NBEAL1: variants seen among roughly 807,000 people sequenced by gnomAD.
The protein encoded by NBEAL1 is neurobeachin-like protein 1.
NBEAL1 carries 273 observed loss-of-function variants against 351.3 expected under a neutral mutation model. That is an observed-to-expected ratio of 0.78 (90% CI 0.70 to 0.86). The LOEUF (loss-of-function observed/expected upper bound fraction) is 0.86, where lower values mean the gene tolerates loss of function less well. Ranked by LOEUF, NBEAL1 falls within the 40% of genes least tolerant of loss-of-function variation. The pLI is 0.00. For synonymous variants in NBEAL1, 1,050 were observed against 1,086.4 expected (o/e 0.97, Z 0.66); for missense variants, 2,961 against 3,201.3 (o/e 0.92, Z 1.81).
At chr2:203,065,470 G>T (rs1187909827) in intron 6 of NBEAL1, among the ~76,000 whole-genome samples, 1 of 152,134 alleles carries the variant, frequency 6.6e-6, no homozygotes, top group Non-Finnish European at 1.5e-5. Context: ...GAAGCATGGT[G>T]GCTGGGGCGC....
At position 203,219,610 on chromosome 2, in the gene NBEAL1, C is replaced by CT. The variant is rs1297581441; in HGVS notation, c.*2259dup. ...GTGGCTCATGCCTGTAATCCCAGCA[C>CT]TTTGGGAGGCTGAGGCAGGCGAATC... is the stretch of plus-strand genomic sequence containing the variant. On this transcript the variant is annotated 3_prime_UTR_variant, in exon 56 of 56. Transcript: ENST00000683969. 1 of 151,938 alleles carries CT rather than the reference C, an allele frequency of 6.6e-6. No individual in the cohort carries two copies. The highest frequency in any genetic ancestry group is 1.5e-5 in the Non-Finnish European group (1 of 68,020). 9.4% of individuals were successfully genotyped at this position (151,938 alleles called of 1,614,324 possible). A position where few individuals can be genotyped will look rare whatever the true frequency, so the allele number is the denominator to read the frequency against.
At chr2:203,040,800 T>C (rs1417203281) in intron 2 of NBEAL1, 3 of 522,956 alleles carry the variant, frequency 5.7e-6, no homozygotes, top group Non-Finnish European at 1.1e-5. Flanking sequence ...CACTGCAACC[T>C]CCACTATATA....
At position 203,113,038 on chromosome 2, in the gene NBEAL1, T is replaced by C; in HGVS notation, c.2226T>C (p.Gly742=). The C allele has an allele frequency of 6.6e-7, 1 of 1,511,310 alleles. No homozygotes were observed. The highest frequency in any genetic ancestry group is 8.9e-7 in the Non-Finnish European group (1 of 1,127,966). The allele number at this position is 1,511,310 out of a possible 1,614,324, so 93.6% of individuals were successfully genotyped here. The part of the protein sequence containing the change: ...MNEPFTSCCI[G]SAGQRTTTPP... ...AGCCCTTTACTTCCTGTTGCATTGG[T>C]TCAGCTGGGCAAAGAACCACCACTC... The change falls in exon 17 of 56, where the codon GGT becomes GGC. Residue 742 remains glycine (G), a synonymous_variant. Coordinates refer to ENST00000683969, the MANE Select transcript of NBEAL1 (RefSeq NM_001378026.1).
intron 7 of NBEAL1, among the ~76,000 whole-genome samples, chr2:203,070,205 T>A (rs1441300505): frequency 1.3e-5 from 2 of 152,070 alleles, no homozygotes; most frequent in Non-Finnish European, 2.9e-5. Context: ...CTTTTTTTTT[T>A]AATGTACTTT....
intron 8 of NBEAL1, among the ~76,000 whole-genome samples, chr2:203,080,092 A>G (rs1404284570): frequency 6.6e-6 from 1 of 152,020 alleles, no homozygotes; most frequent in African/African-American, 2.4e-5. Flanking sequence ...TTGAGTATTA[A>G]TTTTGTAAAC....
intron 3 of NBEAL1, among the ~76,000 whole-genome samples, chr2:203,045,771 A>T (rs2061215697): frequency 6.6e-6 from 1 of 152,212 alleles, no homozygotes. Flanking sequence ...GCATAAGCTG[A>T]AGAAGAGGTA....
At chr2:203,210,196 C>T (rs71425987) in intron 53 of NBEAL1, among the ~76,000 whole-genome samples, 1 of 151,328 alleles carries the variant, frequency 6.6e-6, no homozygotes, top group Non-Finnish European at 1.5e-5. Context: ...AACCCCATCT[C>T]TACTAAAAAT....
At chr2:203,214,590 C>T (rs2351772) in intron 55 of NBEAL1, among the ~76,000 whole-genome samples, 75,110 of 151,992 alleles carry the variant, frequency 0.49, 19,307 homozygotes, top group Middle Eastern at 0.68. Context: ...GCCTGGCCAA[C>T]GTGGTGAAAC....
chr2:203,040,488 C>A (rs2061122998), intron 2 of NBEAL1: 23 of 687,690 alleles, frequency 3.3e-5, no homozygotes, highest in South Asian at 2.7e-4. Context: ...ACCCCCAGAA[C>A]CTAAAAATGC....
At chr2:203,206,571 A>C (rs571419210) in intron 51 of NBEAL1, among the ~76,000 whole-genome samples, 1 of 141,278 alleles carries the variant, frequency 7.1e-6, no homozygotes, top group South Asian at 2.5e-4. Context: ...GCGCGCCGCC[A>C]CGCCTGACTG....
intron 18 of NBEAL1, 103 bp from the exon 19 acceptor site, chr2:203,122,151 C>T: frequency 1.6e-6 from 1 of 612,386 alleles, no homozygotes; most frequent in Non-Finnish European, 2.7e-6. Context: ...TTATCTTTGA[C>T]TATCCTATAT....
At chr2:203,064,005 A>C (rs2061541030) in intron 6 of NBEAL1, among the ~76,000 whole-genome samples, 1 of 152,128 alleles carries the variant, frequency 6.6e-6, no homozygotes, top group African/African-American at 2.4e-5. Flanking sequence ...ATGGGTGTTA[A>C]ACCTAGGGGG....
intron 48 of NBEAL1, among the ~76,000 whole-genome samples, chr2:203,198,007 T>TA (rs1559057950): frequency 7.9e-4 from 114 of 143,646 alleles, no homozygotes; most frequent in African/African-American, 2.4e-3. Context: ...ATATATATAT[T>TA]TTTTTTTCTT....
chr2:203,161,042 G>C (rs1447743997), intron 36 of NBEAL1, among the ~76,000 whole-genome samples: 2 of 151,938 alleles, frequency 1.3e-5, no homozygotes, highest in African/African-American at 4.8e-5. Context: ...AAATAGGCCA[G>C]GGAGGCTGGG....
chr2:203,197,616 T>C (rs943259696), intron 48 of NBEAL1, among the ~76,000 whole-genome samples: 4 of 151,992 alleles, frequency 2.6e-5, no homozygotes, highest in East Asian at 1.9e-4. Flanking sequence ...TGAAAAGATA[T>C]ATAAAAATAG....
At chr2:203,076,942 C>T (rs2061785873) in intron 7 of NBEAL1, among the ~76,000 whole-genome samples, 1 of 152,140 alleles carries the variant, frequency 6.6e-6, no homozygotes, top group South Asian at 2.1e-4. Flanking sequence ...AAAAATTGAC[C>T]ATCACTAATC....
Position 203,126,716 on chromosome 2 carries a change from G to T in NBEAL1, c.3145G>T (p.Gly1049Cys). ...WNRGDFPFRI[G>C]HIQYLSTIIK... ...CCGTGGAGATTTTCCCTTTCGAATC[G>T]GTGAGAGCAGGCTTTCAGATAAACA... Residue 1049 changes from glycine (G) to cysteine (C), a missense_variant and splice_region_variant, in exon 22 of 56, where the codon GGT becomes TGT. Gly to Cys is a radical substitution (Grantham distance 159). Transcript: ENST00000683969. 6 of 1,506,478 alleles carry T rather than the reference G, an allele frequency of 4.0e-6. No individual in the cohort carries two copies. The highest frequency in any genetic ancestry group is 5.3e-6 in the Non-Finnish European group (6 of 1,127,062). The allele number at this position is 1,506,478 out of a possible 1,614,324, so 93.3% of individuals were successfully genotyped here.
chr2:203,014,687 C>G (rs965305224), upstream of NBEAL1: 20 of 152,452 alleles, frequency 1.3e-4, no homozygotes, highest in African/African-American at 4.6e-4. Context: ...GCAGCCAGAG[C>G]CTGTCGACTG....
At position 203,043,938 on chromosome 2, in the gene NBEAL1, A is replaced by G. The variant is rs527246487; in HGVS notation, c.143+2082A>G. On this transcript the variant is annotated intron_variant, in intron 3 of 55. Transcript: ENST00000683969. ...ATGAAGTACCATGCATGCAATACAA[A>G]TGGACTTTGACTTTTTTGTTGTTGT... Among the ~76,000 whole-genome samples, 110 of 152,262 alleles carry G rather than the reference A, an allele frequency of 7.2e-4. 4 individuals are homozygous for G. The South Asian group carries it at 0.022, about 30-fold the overall frequency.
Sources: gnomAD v4.1 joint callset for allele counts (sites outside exome capture counted in the v4.1 genomes callset) on GRCh38, gnomAD v4.1.1 for gene constraint, MANE v1.5 for transcripts, NCBI Gene and HGNC (gene_info 2026-07-23, HGNC 2026-07-21) for gene names.